The following TBC1D19 variants were observed in gnomAD, a reference collection of about 807,000 sequenced individuals.
TBC1D19 encodes TBC1 domain family member 19.
A neutral mutation model predicts 89.0 loss-of-function variants in TBC1D19; 60 were observed. That is an observed-to-expected ratio of 0.67 (90% confidence interval 0.55 to 0.84). The LOEUF (loss-of-function observed/expected upper bound fraction) is 0.84. Among genes scored for constraint, TBC1D19 ranks in the 40% least tolerant of loss-of-function variants. The pLI is 0.00. For synonymous variants in TBC1D19, 189 were observed against 199.7 expected (o/e 0.95, Z 0.45); for missense variants, 500 against 610.8 (o/e 0.82, Z 1.91).
chr4:26,695,995 TTCA>T (rs762244544), intron 13 of TBC1D19, among the ~76,000 whole-genome samples: 33 of 152,150 alleles, frequency 2.2e-4, no homozygotes, highest in Non-Finnish European at 3.7e-4. Context: ...CAGGATCAAA[TTCA>T]CACATAACAA....
chr4:26,722,455 A>G, intron 15 of TBC1D19, among the ~76,000 whole-genome samples: 1 of 152,170 alleles, frequency 6.6e-6, no homozygotes, highest in East Asian at 1.9e-4. Context: ...AGAAGCATGG[A>G]AAAGGCTGAT....
intron 17 of TBC1D19, 49 bp downstream of exon 17, chr4:26,740,022 T>G (rs1718264720): frequency 8.1e-6 from 10 of 1,235,752 alleles, no homozygotes; most frequent in Non-Finnish European, 1.0e-5. Context: ...TTGTAATCTA[T>G]TCTTTCTTTC....
chr4:26,857,737 C>G, the TBC1D19 span: 4 of 152,236 alleles, frequency 2.6e-5, no homozygotes, highest in African/African-American at 9.6e-5. Context: ...CAGTCGGGAA[C>G]CGGTTCTCCG....
At chr4:26,673,534 A>G (rs185367367) in intron 10 of TBC1D19, among the ~76,000 whole-genome samples, 3 of 150,942 alleles carry the variant, frequency 2.0e-5, no homozygotes, top group African/African-American at 4.9e-5. Flanking sequence ...AAGTCCTTAC[A>G]TTAAGTCCCT....
At chr4:26,645,443 G>T (rs1009702653) in intron 7 of TBC1D19, among the ~76,000 whole-genome samples, 2 of 152,186 alleles carry the variant, frequency 1.3e-5, no homozygotes, top group Non-Finnish European at 2.9e-5. Context: ...GGGAAAACTA[G>T]CTATCCATAT....
At chr4:26,638,643 T>C (rs893989675) in intron 5 of TBC1D19, 128 bp from the exon 6 acceptor site, 1 of 684,360 alleles carries the variant, frequency 1.5e-6, no homozygotes, top group Non-Finnish European at 2.5e-6. Flanking sequence ...AAATTCAACA[T>C]GTTTAATGAA....
chr4:26,823,136 C>A, the TBC1D19 span, among the ~76,000 whole-genome samples: 1 of 152,212 alleles, frequency 6.6e-6, no homozygotes, highest in Non-Finnish European at 1.5e-5. Context: ...CAAGGAGGAG[C>A]AAGTCACATC....
chr4:26,625,663 T>C (rs1236396024), intron 4 of TBC1D19, among the ~76,000 whole-genome samples: 1 of 152,148 alleles, frequency 6.6e-6, no homozygotes, highest in African/African-American at 2.4e-5. Context: ...AGACTTTCCT[T>C]GTTTTTGATG....
chr4:26,846,828 A>G, the TBC1D19 span, among the ~76,000 whole-genome samples: 6 of 152,182 alleles, frequency 3.9e-5, no homozygotes, highest in African/African-American at 1.4e-4. Flanking sequence ...GGACACTGCC[A>G]ACCACTCTTA....
At chr4:26,638,519 A>G (rs1455041617) in intron 5 of TBC1D19, among the ~76,000 whole-genome samples, 1 of 152,182 alleles carries the variant, frequency 6.6e-6, no homozygotes, top group Non-Finnish European at 1.5e-5. Flanking sequence ...TTTACTGGCC[A>G]GTACAGATCA....
At chr4:26,677,934 G>A (rs1471544263) in intron 11 of TBC1D19, among the ~76,000 whole-genome samples, 1 of 152,140 alleles carries the variant, frequency 6.6e-6, no homozygotes, top group Non-Finnish European at 1.5e-5. Flanking sequence ...CCAGTCTTGG[G>A]TATTTCTTCA....
chr4:26,748,491 G>T lies in TBC1D19; in HGVS notation c.1400G>T (p.Arg467Ile). Residue 467 changes from arginine (R) to isoleucine (I), a missense_variant, in exon 19 of 21, where the codon AGA becomes ATA. By Grantham distance (97) the Arg-to-Ile change is moderately conservative. Around this residue, in one of 2 missense-constraint regions of TBC1D19, gnomAD observed 220 missense variants for 319.1 expected, o/e 0.69. Transcript: ENST00000264866. ...ATDQLLLLWD[R>I]ILGYNSLEIL... is the part of the protein sequence containing the mutation. Reference sequence around the variant, plus strand: ...GATCAGCTCTTGCTTTTATGGGATAGAATCCTAGGATACAACTCTCTGGAA... The same window carrying T: ...GATCAGCTCTTGCTTTTATGGGATATAATCCTAGGATACAACTCTCTGGAA... The T allele has an allele frequency of 6.2e-7, 1 of 1,613,754 alleles. No individual in the cohort carries two copies. Among genetic ancestry groups the T allele is most frequent in the East Asian group, 2.2e-5 (1 of 44,832 alleles).
the TBC1D19 span, among the ~76,000 whole-genome samples, chr4:26,770,380 C>T: frequency 2.0e-5 from 3 of 152,066 alleles, no homozygotes; most frequent in Non-Finnish European, 4.4e-5. Flanking sequence ...ATGCACATAA[C>T]AGAGTTTCTA....
At chr4:26,578,728 A>G (rs550550729) in intron 1 of TBC1D19, among the ~76,000 whole-genome samples, 1 of 152,308 alleles carries the variant, frequency 6.6e-6, no homozygotes, top group South Asian at 2.1e-4. Flanking sequence ...GGAAGTGCCT[A>G]GAAAAACTAG....
the TBC1D19 span, among the ~76,000 whole-genome samples, chr4:26,852,821 G>A: frequency 3.3e-5 from 5 of 152,126 alleles, no homozygotes; most frequent in South Asian, 4.2e-4. Context: ...GGGTTTCACC[G>A]CGTTAGCCAG....
chr4:26,701,050 A>C (rs1715284430), intron 13 of TBC1D19, among the ~76,000 whole-genome samples: 1 of 152,126 alleles, frequency 6.6e-6, no homozygotes, highest in African/African-American at 2.4e-5. Context: ...TATTCCAGCC[A>C]CCCTGATCTT....
chr4:26,829,380 C>T, the TBC1D19 span, among the ~76,000 whole-genome samples: 34 of 152,280 alleles, frequency 2.2e-4, no homozygotes, highest in African/African-American at 6.7e-4. Context: ...AATCTCTCAT[C>T]GTAAGCCCTC....
In TBC1D19 at chr4:26,652,003, G is replaced by T. The variant is rs189180484; in HGVS notation, c.481-7594G>T. On this transcript the variant is annotated intron_variant, in intron 7 of 20. Coordinates refer to ENST00000264866, the MANE Select transcript of TBC1D19 (RefSeq NM_018317.4). The stretch of plus-strand genomic sequence containing the variant: ...TTTTTGTCATTGGTTCTGTTTATAT[G>T]CTGGATTACATTTATTGATTTGCAT... Among the ~76,000 whole-genome samples the T allele has an allele frequency of 3.2e-4, 48 of 152,060 alleles. 1 individual carries two copies. The highest frequency in any genetic ancestry group is 3.4e-3 in the Middle Eastern group (1 of 294).
intron 8 of TBC1D19, among the ~76,000 whole-genome samples, chr4:26,662,210 A>G (rs1745263804): frequency 6.6e-6 from 1 of 152,234 alleles, no homozygotes; most frequent in South Asian, 2.1e-4. Context: ...TATTCCCAGA[A>G]GGAGACTTTA....
Sources: allele counts gnomAD v4.1 joint callset (sites outside exome capture counted in the v4.1 genomes callset), GRCh38; gene constraint gnomAD v4.1.1; regional missense constraint gnomAD v4.1.1; transcripts MANE v1.5; gene names NCBI Gene and HGNC (gene_info 2026-07-23, HGNC 2026-07-21).